CLVS2: variants seen among roughly 807,000 people sequenced by gnomAD.
CLVS2 encodes the protein clavesin-2.
A neutral mutation model predicts 29.0 loss-of-function variants in CLVS2; 19 were observed. That is an observed-to-expected ratio of 0.66 (90% CI 0.46 to 0.96). The LOEUF is 0.96. CLVS2 is among the 40% of genes least tolerant of loss of function. The pLI, the probability that CLVS2 is intolerant of heterozygous loss-of-function variation, is 0.00. For synonymous variants in CLVS2, 161 were observed against 151.3 expected (o/e 1.06, Z -0.47); for missense variants, 294 against 404.1 (o/e 0.73, Z 2.34).
At chr6:123,029,480 G>A (rs1775051376) in intron 3 of CLVS2, among the ~76,000 whole-genome samples, 1 of 152,172 alleles carries the variant, frequency 6.6e-6, no homozygotes, top group South Asian at 2.1e-4. Flanking sequence ...ACAGTTGATG[G>A]AGAGGTGATC....
At chr6:123,013,706 T>G (rs1338531401) in intron 3 of CLVS2, among the ~76,000 whole-genome samples, 2 of 151,646 alleles carry the variant, frequency 1.3e-5, no homozygotes, top group Non-Finnish European at 2.9e-5. Context: ...CATGTGCACA[T>G]TGTGCAGGTT....
rs1018304630 is a variant in CLVS2, at chr6:123,046,339, C to T, written c.565-2283C>T. On this transcript the variant is annotated intron_variant, in intron 3 of 5. Transcript: ENST00000275162. The stretch of plus-strand genomic sequence containing the variant: ...TTTCAGGAGAGAAGAAGAAGCATGA[C>T]CTTCTTGTGATTCTCAAAGTTTAAG... Among the ~76,000 whole-genome samples, 5 of 152,058 alleles carry T rather than the reference C, an allele frequency of 3.3e-5. No homozygotes were observed. The East Asian group carries it at 5.8e-4, about 18-fold the overall frequency.
chr6:123,012,739 C>G (rs891379246), intron 3 of CLVS2, among the ~76,000 whole-genome samples: 2 of 151,996 alleles, frequency 1.3e-5, no homozygotes, highest in African/African-American at 4.8e-5. Flanking sequence ...TAATCCCATT[C>G]TCTGCATGGA....
chr6:123,064,807 T>C lies in CLVS2; in HGVS notation c.*1046T>C, dbSNP rs1772829788. The C allele has an allele frequency of 6.6e-6, 1 of 151,876 alleles. No homozygotes were observed. The highest frequency in any genetic ancestry group is 1.5e-5 in the Non-Finnish European group (1 of 67,836). 9.4% of individuals were successfully genotyped at this position (151,876 alleles called of 1,614,324 possible). A position where few individuals can be genotyped will look rare whatever the true frequency, so the allele number is the denominator to read the frequency against. ...ACATGAGATAACTCTGGAAAACTAC[T>C]TCCACTGAAGTTAATGAAAAGGAGA... On this transcript the variant is annotated 3_prime_UTR_variant, in exon 6 of 6. Transcript: ENST00000275162.
Position 123,065,604 on chromosome 6 carries a change from A to T in CLVS2, c.*1843A>T, listed in dbSNP as rs903041387. On this transcript the variant is annotated 3_prime_UTR_variant, in exon 6 of 6. Transcript: ENST00000275162. ...GAGATTGGAATGCACTGGGGACAAC[A>T]TGTCTCAGCAGTTCTTACCTTTATA... 3.3e-5 allele frequency: 5 copies of T among 152,004 alleles called. No individual in the cohort carries two copies. Among genetic ancestry groups the T allele is most frequent in the Admixed American group, 3.3e-4 (5 of 15,232 alleles). The allele number at this position is 152,004 out of a possible 1,614,324, so 9.4% of individuals were successfully genotyped here.
At chr6:123,025,331 A>G (rs1450163281) in intron 3 of CLVS2, among the ~76,000 whole-genome samples, 1 of 152,118 alleles carries the variant, frequency 6.6e-6, no homozygotes, top group Non-Finnish European at 1.5e-5. Context: ...CAGTTGGTGG[A>G]CTGAATCCAT....
At chr6:123,061,686 T>C (rs950457681) in intron 5 of CLVS2, among the ~76,000 whole-genome samples, 1 of 152,198 alleles carries the variant, frequency 6.6e-6, no homozygotes, top group Non-Finnish European at 1.5e-5. Context: ...AAAAATGTCA[T>C]ATTCTCTAAT....
In CLVS2 at chr6:122,997,691, G is replaced by A. The variant is rs977998366; in HGVS notation, c.-87G>A. ...GAAGCAGGCAGCAGGAGGTCTGGGG[G>A]CTGGAGTCTGGTGGTGGCAAGGACC... On this transcript the variant is annotated 5_prime_UTR_variant, in exon 2 of 6. Coordinates refer to ENST00000275162, the MANE Select transcript of CLVS2 (RefSeq NM_001010852.4). 6.0e-6 allele frequency: 8 copies of A among 1,340,236 alleles called. No homozygotes were observed. The highest frequency in any genetic ancestry group is 4.4e-5 in the African/African-American group (3 of 68,824). 83.0% of individuals were successfully genotyped at this position (1,340,236 alleles called of 1,614,324 possible).
At chr6:123,063,548 A>G (rs1257356737) in intron 5 of CLVS2, 126 bp from the exon 6 acceptor site, 2 of 603,212 alleles carry the variant, frequency 3.3e-6, no homozygotes, top group Admixed American at 5.9e-5. Context: ...TCCACAATTC[A>G]TAAATTTCTT....
In CLVS2 at chr6:123,052,898, G is replaced by A. The variant is rs947626936; in HGVS notation, c.676-2908G>A. Among the ~76,000 whole-genome samples the A allele has an allele frequency of 3.6e-4, 54 of 149,876 alleles. 4 individuals are homozygous for A. Among genetic ancestry groups the A allele is most frequent in the African/African-American group, 1.3e-3 (54 of 40,254 alleles). ...AATACAGTTATGGAGTTTGAAAAAGGGGCCTGGATTCAAGACATATATTTC... is the reference window on the plus strand; with the variant it reads ...AATACAGTTATGGAGTTTGAAAAAGAGGCCTGGATTCAAGACATATATTTC... On this transcript the variant is annotated intron_variant, in intron 4 of 5. Coordinates refer to ENST00000275162, the MANE Select transcript of CLVS2 (RefSeq NM_001010852.4).
In CLVS2 at chr6:123,064,103, A is replaced by G. The variant is rs1350913881; in HGVS notation, c.*342A>G. On this transcript the variant is annotated 3_prime_UTR_variant, in exon 6 of 6. Transcript: ENST00000275162. ...CTATAACAAAAAGCAGAAAAGACACAGTCAAAGCTAATTAAATGTAGCCCT... is the reference window on the plus strand; with the variant it reads ...CTATAACAAAAAGCAGAAAAGACACGGTCAAAGCTAATTAAATGTAGCCCT... The G allele has an allele frequency of 1.7e-5, 3 of 174,592 alleles. No individual in the cohort carries two copies. The highest frequency in any genetic ancestry group is 3.6e-5 in the Non-Finnish European group (3 of 82,740). The allele number at this position is 174,592 out of a possible 1,614,324, so 10.8% of individuals were successfully genotyped here.
chr6:123,018,569 G>T (rs1457345656), intron 3 of CLVS2, among the ~76,000 whole-genome samples: 1 of 151,602 alleles, frequency 6.6e-6, no homozygotes, highest in African/African-American at 2.4e-5. Context: ...AATCTTAGAA[G>T]TGAGTGATTC....
intron 3 of CLVS2, among the ~76,000 whole-genome samples, chr6:123,043,374 A>T (rs1775262025): frequency 6.6e-6 from 1 of 152,092 alleles, no homozygotes; most frequent in Non-Finnish European, 1.5e-5. Context: ...TTAATGCAAT[A>T]TTTTAGGTCC....
In CLVS2 at chr6:123,069,834, A is replaced by T. The variant is rs1187598479; in HGVS notation, c.*6073A>T. ...TTTCCACACAGAAACATCATCAAAA[A>T]CACGTACCTCTGAGCATCACTTCTT... On this transcript the variant is annotated 3_prime_UTR_variant, in exon 6 of 6. Transcript: ENST00000275162. 6.6e-6 allele frequency: 1 copy of T among 151,842 alleles called. No homozygotes were observed. The highest frequency in any genetic ancestry group is 1.5e-5 in the Non-Finnish European group (1 of 67,854). The allele number at this position is 151,842 out of a possible 1,614,324, so 9.4% of individuals were successfully genotyped here. A position where few individuals can be genotyped will look rare whatever the true frequency, so the allele number is the denominator to read the frequency against.
intron 2 of CLVS2, among the ~76,000 whole-genome samples, chr6:123,005,748 G>T (rs1181497355): frequency 6.6e-6 from 1 of 152,128 alleles, no homozygotes; most frequent in African/African-American, 2.4e-5. Flanking sequence ...TGCAGGCAGG[G>T]TGCCACCCCT....
At chr6:123,022,959 A>T (rs577728204) in intron 3 of CLVS2, among the ~76,000 whole-genome samples, 1 of 152,258 alleles carries the variant, frequency 6.6e-6, no homozygotes, top group South Asian at 2.1e-4. Flanking sequence ...GATGATAAAC[A>T]TCAAAGCAGG....
At chr6:123,004,828 A>T (rs553213149) in intron 2 of CLVS2, among the ~76,000 whole-genome samples, 3 of 152,064 alleles carry the variant, frequency 2.0e-5, no homozygotes, top group Non-Finnish European at 2.9e-5. Flanking sequence ...CAAGAGAATC[A>T]CTTGAACCCA....
intron 2 of CLVS2, among the ~76,000 whole-genome samples, chr6:123,006,617 GGGAATATT>G: frequency 6.6e-6 from 1 of 151,998 alleles, no homozygotes; most frequent in African/African-American, 2.4e-5. Context: ...GAGAAGGAAA[GGGAATATT>G]TGAGAATGAT....
intron 5 of CLVS2, among the ~76,000 whole-genome samples, chr6:123,060,455 G>T (rs1772758550): frequency 1.3e-5 from 2 of 152,126 alleles, no homozygotes; most frequent in Non-Finnish European, 2.9e-5. Context: ...ATTGAATAAG[G>T]TTAAGCATTT....
Sources: allele counts gnomAD v4.1 joint callset (sites outside exome capture counted in the v4.1 genomes callset), GRCh38; gene constraint gnomAD v4.1.1; transcripts MANE v1.5; gene names NCBI Gene and HGNC (gene_info 2026-07-23, HGNC 2026-07-21).